The following EBI3 variants were observed in gnomAD, a reference collection of about 807,000 sequenced individuals.
EBI3 encodes the protein interleukin-27 subunit beta.
In EBI3, 19 loss-of-function variants were observed where a neutral mutation model predicts 21.3. That is an observed-to-expected ratio of 0.89 (90% CI 0.62 to 1.31). EBI3 has a LOEUF of 1.31. Among genes scored for constraint, EBI3 ranks in the 50% most tolerant of loss-of-function variants. The pLI is 0.00. For missense variants in EBI3, 331 were observed against 314.0 expected, an observed-to-expected ratio of 1.05 and a Z score of -0.41; for synonymous variants, 154 against 131.2, an observed-to-expected ratio of 1.17 and a Z score of -1.19.
intron 4 of EBI3, among the ~76,000 whole-genome samples, chr19:4,236,445 C>G (rs1970837585): frequency 7.6e-6 from 1 of 131,612 alleles, no homozygotes. Context: ...TGGTTTGAGC[C>G]TGGAGGCAGA....
intron 1 of EBI3, among the ~76,000 whole-genome samples, chr19:4,230,417 A>T (rs541230072): frequency 2.6e-5 from 4 of 151,798 alleles, no homozygotes; most frequent in East Asian, 2.0e-4. Flanking sequence ...ACAAAAAATT[A>T]AAAAATTAGC....
chr19:4,231,308 T>G lies in EBI3; in HGVS notation c.185T>G (p.Phe62Cys). 1.2e-6 allele frequency: 2 copies of G among 1,611,622 alleles called. No individual in the cohort carries two copies. The highest frequency in any genetic ancestry group is 1.7e-6 in the Non-Finnish European group (2 of 1,179,274). Residue 62 changes from phenylalanine to cysteine, a missense_variant, in exon 2 of 5, where the codon TTC becomes TGC. Coordinates refer to ENST00000221847, the MANE Select transcript of EBI3 (RefSeq NM_005755.3). ...PAPNSTSPVS[F>C]IATYRLGMAA... The stretch of plus-strand genomic sequence containing the variant: ...CCAAACTCCACCAGCCCCGTGTCCT[T>G]CATTGCCACGTACAGGTCGGAGAGC...
At chr19:4,231,813 G>A (rs1435081223) in intron 2 of EBI3, among the ~76,000 whole-genome samples, 3 of 151,652 alleles carry the variant, frequency 2.0e-5, no homozygotes, top group East Asian at 3.9e-4. Context: ...GGGCACAGTG[G>A]CACATGCCTG....
At chr19:4,236,563 A>ACCAGGGGT (rs1970840276) in intron 4 of EBI3, among the ~76,000 whole-genome samples, 1 of 135,210 alleles carries the variant, frequency 7.4e-6, no homozygotes. Flanking sequence ...ATATAGTGGG[A>ACCAGGGGT]CCAGGGGTAA....
chr19:4,231,368 G>A, intron 2 of EBI3, 45 bp downstream of exon 2: 1 of 1,563,262 alleles, frequency 6.4e-7, no homozygotes, highest in Non-Finnish European at 8.6e-7. Flanking sequence ...GGACTTCCTG[G>A]AGAGCCCAGA....
At chr19:4,233,672 C>G (rs947015220) in intron 3 of EBI3, among the ~76,000 whole-genome samples, 9 of 152,184 alleles carry the variant, frequency 5.9e-5, no homozygotes, top group Non-Finnish European at 1.2e-4. Context: ...CCTGCCCTGT[C>G]TCCTCCATGC....
intron 2 of EBI3, among the ~76,000 whole-genome samples, chr19:4,232,302 C>T (rs142321667): frequency 1.0e-4 from 15 of 149,022 alleles, no homozygotes; most frequent in African/African-American, 3.7e-4. Flanking sequence ...AAAAAATTAG[C>T]TGGGCATGTT....
intron 3 of EBI3, 129 bp from the exon 4 acceptor site, chr19:4,234,538 G>A (rs2144677184): frequency 7.0e-7 from 1 of 1,426,372 alleles, no homozygotes; most frequent in East Asian, 2.3e-5. Flanking sequence ...ACTCCAGCCT[G>A]GGTGACAGAG....
chr19:4,234,813 C>A lies in EBI3; in HGVS notation c.526C>A (p.Arg176Ser). ...CCGTTACAAGCGTCAGGGAGCTGCG[C>A]GCTTCCACCGGGTGAGGAGGATGAG... ...WIRYKRQGAARFHRVGPIEAT... is the reference protein window; with the variant it reads ...WIRYKRQGAASFHRVGPIEAT... Residue 176 changes from arginine to serine, a missense_variant, in exon 4 of 5, where the codon CGC becomes AGC. Coordinates refer to ENST00000221847, the MANE Select transcript of EBI3 (RefSeq NM_005755.3). The A allele has an allele frequency of 6.2e-7, 1 of 1,613,850 alleles. No individual in the cohort carries two copies. Among genetic ancestry groups the A allele is most frequent in the South Asian group, 1.1e-5 (1 of 91,076 alleles).
chr19:4,235,535 T>G (rs1970830296), intron 4 of EBI3, among the ~76,000 whole-genome samples: 1 of 152,194 alleles, frequency 6.6e-6, no homozygotes, highest in South Asian at 2.1e-4. Flanking sequence ...CAGGCTGGTC[T>G]CAAACTACGG....
In EBI3 at chr19:4,229,555, C is replaced by T; in HGVS notation, c.5C>T (p.Thr2Ile). The T allele has an allele frequency of 1.2e-6, 2 of 1,610,946 alleles. No individual in the cohort carries two copies. Among genetic ancestry groups the T allele is most frequent in the South Asian group, 2.2e-5 (2 of 90,282 alleles). The change falls in exon 1 of 5, where the codon ACC (threonine) becomes ATC (isoleucine). Residue 2 changes from threonine (T) to isoleucine (I), a missense_variant. By Grantham distance (89) the Thr-to-Ile change is moderately conservative. Transcript: ENST00000221847. M[T>I]PQLLLALVLW... The stretch of plus-strand genomic sequence containing the variant: ...AGAGCAGAGCTGGCCGCAGCCATGA[C>T]CCCGCAGCTTCTCCTGGCCCTTGTC...
intron 2 of EBI3, 66 bp from the exon 3 acceptor site, chr19:4,233,063 C>CG: frequency 2.8e-6 from 4 of 1,422,390 alleles, no homozygotes; most frequent in Non-Finnish European, 3.7e-6. Flanking sequence ...GGGTCAGGCC[C>CG]GGCAGTAGGA....
At chr19:4,230,849 C>A (rs1390618276) in intron 1 of EBI3, among the ~76,000 whole-genome samples, 2 of 151,910 alleles carry the variant, frequency 1.3e-5, no homozygotes, top group African/African-American at 2.4e-5. Flanking sequence ...TGCACTCCAG[C>A]CTAGGCGACA....
chr19:4,235,801 C>T (rs1568356529), intron 4 of EBI3, among the ~76,000 whole-genome samples: 2 of 152,148 alleles, frequency 1.3e-5, no homozygotes, highest in African/African-American at 4.8e-5. Context: ...TGGTGACACA[C>T]ACCTGTACCC....
chr19:4,232,930 C>G (rs1970802497), intron 2 of EBI3, 199 bp from the exon 3 acceptor site: 1 of 533,420 alleles, frequency 1.9e-6, no homozygotes, highest in Non-Finnish European at 3.2e-6. Flanking sequence ...CCTGAACCAT[C>G]AGGGGCACCG....
At chr19:4,235,617 G>T (rs1456564413) in intron 4 of EBI3, among the ~76,000 whole-genome samples, 1 of 152,198 alleles carries the variant, frequency 6.6e-6, no homozygotes, top group Non-Finnish European at 1.5e-5. Flanking sequence ...CATCTGGCCA[G>T]AATTAGCCAT....
At chr19:4,232,567 AT>A (rs1970795374) in intron 2 of EBI3, among the ~76,000 whole-genome samples, 1 of 150,760 alleles carries the variant, frequency 6.6e-6, no homozygotes, top group African/African-American at 2.4e-5. Context: ...TAGAAAAAAA[AT>A]TTAAAATTAG....
At chr19:4,234,571 C>A in intron 3 of EBI3, 96 bp from the exon 4 acceptor site, 1 of 1,512,864 alleles carries the variant, frequency 6.6e-7, no homozygotes, top group Non-Finnish European at 8.8e-7. Context: ...TCAAAACAAA[C>A]AAAATATATA....
intron 1 of EBI3, among the ~76,000 whole-genome samples, chr19:4,230,408 C>CA (rs1339025912): frequency 6.6e-6 from 1 of 151,512 alleles, no homozygotes; most frequent in Non-Finnish European, 1.5e-5. Context: ...CCAATCTGTA[C>CA]AAAAAATTAA....
Sources: gnomAD v4.1 joint callset for allele counts (sites outside exome capture counted in the v4.1 genomes callset) on GRCh38, gnomAD v4.1.1 for gene constraint, MANE v1.5 for transcripts, NCBI Gene and HGNC (gene_info 2026-07-23, HGNC 2026-07-21) for gene names.